CELF2: variants seen among roughly 807,000 people sequenced by gnomAD.
The protein encoded by CELF2 is CUG triplet repeat RNA-binding protein 2.
Under a neutral mutation model 62.6 loss-of-function variants are expected in CELF2, and 8 were observed. The ratio of observed to expected loss-of-function variants is 0.13; its 90% CI spans 0.07 to 0.23. The LOEUF is 0.23. CELF2 is among the 10% of genes least tolerant of loss of function. The pLI, the probability that CELF2 is intolerant of heterozygous loss-of-function variation, is 1.00. For synonymous variants in CELF2, 258 were observed against 250.0 expected, an observed-to-expected ratio of 1.03 and a Z score of -0.30; for missense variants, 333 against 671.0, an observed-to-expected ratio of 0.50 and a Z score of 5.56.
the CELF2 span, among the ~76,000 whole-genome samples, chr10:10,493,760 G>A: frequency 1.1e-4 from 16 of 152,170 alleles, no homozygotes; most frequent in East Asian, 2.5e-3. Flanking sequence ...TCAAACTCCC[G>A]ACCTCAAGTG....
chr10:10,882,345 C>G (rs2061491918), intron 1 of CELF2, among the ~76,000 whole-genome samples: 1 of 152,200 alleles, frequency 6.6e-6, no homozygotes, highest in Non-Finnish European at 1.5e-5. Context: ...AATTGCCATC[C>G]AAGAGCAGAA....
At chr10:11,060,996 C>T (rs547647877) in intron 1 of CELF2, among the ~76,000 whole-genome samples, 1 of 152,290 alleles carries the variant, frequency 6.6e-6, no homozygotes, top group South Asian at 2.1e-4. Context: ...CAATTAATAA[C>T]CCTGCAATGG....
At chr10:10,618,641 C>G in the CELF2 span, among the ~76,000 whole-genome samples, 1 of 152,086 alleles carries the variant, frequency 6.6e-6, no homozygotes, top group Admixed American at 6.5e-5. Flanking sequence ...ACAGGAACTG[C>G]GCCTTGTCTG....
intron 9 of CELF2, among the ~76,000 whole-genome samples, chr10:11,294,272 G>A (rs1363283981): frequency 1.3e-5 from 2 of 152,316 alleles, no homozygotes; most frequent in East Asian, 3.9e-4. Flanking sequence ...CCCAGAAAGT[G>A]CCCATTAGCT....
At chr10:10,962,097 G>A (rs768916004) in intron 2 of CELF2, among the ~76,000 whole-genome samples, 3 of 151,896 alleles carry the variant, frequency 2.0e-5, no homozygotes, top group African/African-American at 4.8e-5. Flanking sequence ...GAGGGAGGGA[G>A]GAGGGAGAGA....
At chr10:11,025,591 C>T (rs117527967) in intron 1 of CELF2, among the ~76,000 whole-genome samples, 2,237 of 152,280 alleles carry the variant, frequency 0.015, 18 homozygotes, top group Middle Eastern at 0.048. Context: ...GAGTAAAACT[C>T]TCTTCTTTAT....
intron 2 of CELF2, chr10:10,923,821 G>A (rs988547179): frequency 1.3e-5 from 2 of 152,198 alleles, no homozygotes; most frequent in African/African-American, 2.4e-5. Context: ...GGGATGTATG[G>A]AACCATTTTT....
At chr10:11,029,340 C>G (rs915283679) in intron 1 of CELF2, among the ~76,000 whole-genome samples, 4 of 152,186 alleles carry the variant, frequency 2.6e-5, no homozygotes, top group African/African-American at 9.7e-5. Context: ...GCTAAGAGAT[C>G]AGAGTCTCCA....
intron 1 of CELF2, among the ~76,000 whole-genome samples, chr10:11,091,174 ACATGTTAGGGCACAG>A (rs2048219554): frequency 6.6e-6 from 1 of 152,188 alleles, no homozygotes; most frequent in Non-Finnish European, 1.5e-5. Context: ...TCCTAACATA[ACATGTTAGGGCACAG>A]CTGCTCCTCC....
chr10:10,522,112 AT>A, the CELF2 span, among the ~76,000 whole-genome samples: 1 of 152,188 alleles, frequency 6.6e-6, no homozygotes, highest in African/African-American at 2.4e-5. Flanking sequence ...CCCATGGCAA[AT>A]ATTTCTAAAT....
chr10:11,108,626 T>A (rs1486067676), intron 1 of CELF2, among the ~76,000 whole-genome samples: 1 of 152,192 alleles, frequency 6.6e-6, no homozygotes, highest in Non-Finnish European at 1.5e-5. Context: ...CTTAACTTCA[T>A]CAAGTGTGGG....
intron 2 of CELF2, among the ~76,000 whole-genome samples, chr10:11,181,591 TC>T (rs1296820985): frequency 6.6e-6 from 1 of 152,236 alleles, no homozygotes; most frequent in East Asian, 1.9e-4. Flanking sequence ...TAATGGCTCT[TC>T]CTCCTGGACA....
the CELF2 span, among the ~76,000 whole-genome samples, chr10:10,739,350 A>G: frequency 6.6e-6 from 1 of 152,204 alleles, no homozygotes; most frequent in African/African-American, 2.4e-5. Flanking sequence ...GAAATCTTCC[A>G]AATGTTTAAA....
Position 10,931,292 on chromosome 10 carries a change from G to C in CELF2, c.89+11293G>C, listed in dbSNP as rs1411291286. Among the ~76,000 whole-genome samples the C allele has an allele frequency of 6.6e-6, 1 of 152,100 alleles. No homozygotes were observed. Among genetic ancestry groups the C allele is most frequent in the African/African-American group, 2.4e-5 (1 of 41,422 alleles). On this transcript the variant is annotated intron_variant, in intron 2 of 13. Transcript: ENST00000636488. The surrounding 1 kb of genome is among the most constrained non-coding windows in gnomAD (Gnocchi z 6.1). The stretch of plus-strand genomic sequence containing the variant: ...AAACCAAGCTGAGGCAGTGACATGA[G>C]CCAGCAGAGAAAATAAATTCCCCAT...
chr10:11,106,211 A>ATTTG (rs1425938786), intron 1 of CELF2, among the ~76,000 whole-genome samples: 1 of 91,578 alleles, frequency 1.1e-5, no homozygotes, highest in East Asian at 2.1e-4. Flanking sequence ...ACTTTATTTT[A>ATTTG]TTTATTTATT....
chr10:10,728,047 GAAGA>G, the CELF2 span, among the ~76,000 whole-genome samples: 1 of 151,972 alleles, frequency 6.6e-6, no homozygotes, highest in African/African-American at 2.4e-5. Flanking sequence ...TGGGTTGGGA[GAAGA>G]GAGAGGGTTG....
chr10:11,314,250 C>T lies in CELF2; in HGVS notation c.1088C>T (p.Ala363Val). Residue 363 changes from alanine to valine, a missense_variant, in exon 10 of 13, where the codon GCA becomes GTA. By Grantham distance (64) the Ala-to-Val change is moderately conservative. Transcript: ENST00000633077. This position sits in a 1 kb window ranked among gnomAD's most constrained non-coding sequence, Gnocchi z 5.3. ...GATVGLNNIN[A>V]LAVAQMLSGM... ...ACTGTTGGACTGAATAATATTAATGCACTAGCAGGTACCATCAACAGTGAG... is the reference window on the plus strand; with the variant it reads ...ACTGTTGGACTGAATAATATTAATGTACTAGCAGGTACCATCAACAGTGAG... The T allele has an allele frequency of 1.2e-6, 2 of 1,614,172 alleles. No individual in the cohort carries two copies. The highest frequency in any genetic ancestry group is 1.7e-6 in the Non-Finnish European group (2 of 1,180,014).
chr10:10,661,428 G>T, the CELF2 span, among the ~76,000 whole-genome samples: 12 of 152,164 alleles, frequency 7.9e-5, no homozygotes, highest in East Asian at 5.8e-4. Flanking sequence ...ACACATCTGC[G>T]TGGTTTCCAG....
chr10:10,983,258 A>C lies in CELF2; in HGVS notation c.89+63259A>C, dbSNP rs1431242044. Among the ~76,000 whole-genome samples the C allele has an allele frequency of 6.6e-6, 1 of 152,200 alleles. No individual in the cohort carries two copies. Among genetic ancestry groups the C allele is most frequent in the Non-Finnish European group, 1.5e-5 (1 of 68,036 alleles). Reference sequence around the variant, plus strand: ...TTAAACATTTTTACTTAAATACCACACATGTCCACATAGCATTATTTATAC... The same window carrying C: ...TTAAACATTTTTACTTAAATACCACCCATGTCCACATAGCATTATTTATAC... On this transcript the variant is annotated intron_variant, in intron 2 of 13. Transcript: ENST00000636488. This position sits in a 1 kb window ranked among gnomAD's most constrained non-coding sequence, Gnocchi z 5.2.
Sources: allele counts gnomAD v4.1 joint callset (sites outside exome capture counted in the v4.1 genomes callset), GRCh38; gene constraint gnomAD v4.1.1; non-coding constraint Gnocchi (gnomAD v3.1); transcripts MANE v1.5; gene names NCBI Gene and HGNC (gene_info 2026-07-23, HGNC 2026-07-21).